NUDT9: variants seen among roughly 807,000 people sequenced by gnomAD.
NUDT9 encodes nudix hydrolase 9.
Under a neutral mutation model 41.0 loss-of-function variants are expected in NUDT9, and 31 were observed. The ratio of observed to expected loss-of-function variants is 0.76; its 90% CI spans 0.57 to 1.02. The LOEUF (loss-of-function observed/expected upper bound fraction) is 1.02. Ranked by LOEUF, NUDT9 falls within the 50% of genes least tolerant of loss-of-function variation. The pLI, the probability that NUDT9 is intolerant of heterozygous loss-of-function variation, is 0.00. For synonymous variants in NUDT9, 146 were observed against 147.6 expected (o/e 0.99, Z 0.08); for missense variants, 380 against 431.4 (o/e 0.88, Z 1.06).
At chr4:87,456,486 A>G (rs990100117) in intron 7 of NUDT9, among the ~76,000 whole-genome samples, 2 of 152,096 alleles carry the variant, frequency 1.3e-5, no homozygotes, top group East Asian at 3.9e-4. Flanking sequence ...TCCCCTCTCC[A>G]TGTTAGAAAG....
At chr4:87,440,261 T>C (rs981311329) in intron 3 of NUDT9, among the ~76,000 whole-genome samples, 1 of 152,250 alleles carries the variant, frequency 6.6e-6, no homozygotes, top group Non-Finnish European at 1.5e-5. Context: ...GGCTATGCTA[T>C]AGGAATGTCT....
At chr4:87,455,405 T>G (rs1446292843) in intron 7 of NUDT9, among the ~76,000 whole-genome samples, 1 of 152,234 alleles carries the variant, frequency 6.6e-6, no homozygotes, top group Non-Finnish European at 1.5e-5. Flanking sequence ...ACAACTTTAG[T>G]ACTGATAAAT....
intron 5 of NUDT9, among the ~76,000 whole-genome samples, chr4:87,451,339 C>T (rs971932357): frequency 4.6e-5 from 7 of 152,120 alleles, no homozygotes; most frequent in Non-Finnish European, 8.8e-5. Flanking sequence ...TCGAGTTTGG[C>T]AAGTACCAGG....
intron 2 of NUDT9, among the ~76,000 whole-genome samples, chr4:87,436,390 A>T (rs1333928782): frequency 2.6e-5 from 4 of 152,286 alleles, no homozygotes; most frequent in African/African-American, 9.6e-5. Flanking sequence ...AGCTCACTGC[A>T]GCCTTGATCT....
At chr4:87,425,391 C>CTTTTTT (rs70957241) in intron 1 of NUDT9, among the ~76,000 whole-genome samples, 2 of 116,722 alleles carry the variant, frequency 1.7e-5, no homozygotes. Flanking sequence ...TGTTCTTTTC[C>CTTTTTT]TTTTTTTTTT....
chr4:87,452,591 C>T (rs1722797054), intron 6 of NUDT9, among the ~76,000 whole-genome samples: 1 of 151,704 alleles, frequency 6.6e-6, no homozygotes. Flanking sequence ...GCTGGGACCA[C>T]AGGCAAACAC....
intron 3 of NUDT9, among the ~76,000 whole-genome samples, chr4:87,441,549 G>A (rs183275872): frequency 6.6e-6 from 1 of 152,306 alleles, no homozygotes; most frequent in Admixed American, 6.5e-5. Flanking sequence ...GAATTTAGGA[G>A]TATAGGTGAA....
Position 87,429,078 on chromosome 4 carries a change from T to C in NUDT9, c.108-5903T>C, listed in dbSNP as rs1721561517. On this transcript the variant is annotated intron_variant, in intron 1 of 7. Coordinates refer to ENST00000302174, the MANE Select transcript of NUDT9 (RefSeq NM_024047.5). ...ATGGTAGGTACATGTTTACACTATA[T>C]ACACCGAAGAGGGACCAGGAGGAAG... 3.3e-5 allele frequency among the ~76,000 whole-genome samples: 5 copies of C among 152,332 alleles called. No individual in the cohort carries two copies. In the South Asian group the frequency reaches 1.0e-3, roughly 32 times the overall value.
At chr4:87,456,431 C>A (rs532089094) in intron 7 of NUDT9, among the ~76,000 whole-genome samples, 1 of 152,200 alleles carries the variant, frequency 6.6e-6, no homozygotes, top group African/African-American at 2.4e-5. Flanking sequence ...AAATAGTTTT[C>A]CTTGAGGGCA....
chr4:87,454,260 ATGT>A, intron 6 of NUDT9, 108 bp from the exon 7 acceptor site: 1 of 650,352 alleles, frequency 1.5e-6, no homozygotes, highest in Non-Finnish European at 2.8e-6. Context: ...AAGTATGTTC[ATGT>A]TGTTGGGCAA....
At chr4:87,436,232 C>T (rs1037688996) in intron 2 of NUDT9, among the ~76,000 whole-genome samples, 1 of 152,316 alleles carries the variant, frequency 6.6e-6, no homozygotes, top group Middle Eastern at 3.4e-3. Flanking sequence ...GTATTATTAA[C>T]TGTAGTCACC....
rs555032063 is a variant in NUDT9 at position 87,447,003 on chromosome 4, G to A, written c.531-2139G>A. Among the ~76,000 whole-genome samples, 11 of 152,132 alleles carry A rather than the reference G, an allele frequency of 7.2e-5. 1 individual carries two copies. The South Asian group carries it at 2.3e-3, about 32-fold the overall frequency. On this transcript the variant is annotated intron_variant, in intron 4 of 7. Coordinates refer to ENST00000302174, the MANE Select transcript of NUDT9 (RefSeq NM_024047.5). Reference sequence around the variant, plus strand: ...AGTGAGCTTTCTAAAATACAAACTGGTTATGGTTTTACCCTGCTTAAAAAC... The same window carrying A: ...AGTGAGCTTTCTAAAATACAAACTGATTATGGTTTTACCCTGCTTAAAAAC...
intron 1 of NUDT9, chr4:87,434,219 C>CT (rs1181841384): frequency 6.6e-6 from 1 of 151,744 alleles, no homozygotes; most frequent in African/African-American, 2.4e-5. Context: ...ATTTTTGTAT[C>CT]TTTTAGTAGA....
chr4:87,430,261 T>C (rs1721624698), intron 1 of NUDT9, among the ~76,000 whole-genome samples: 1 of 152,202 alleles, frequency 6.6e-6, no homozygotes. Context: ...CTCTTGAGCC[T>C]CCAGAGAGGA....
At chr4:87,444,883 CT>C (rs991023208) in intron 4 of NUDT9, among the ~76,000 whole-genome samples, 1 of 152,066 alleles carries the variant, frequency 6.6e-6, no homozygotes, top group African/African-American at 2.4e-5. Flanking sequence ...CAACTGTACT[CT>C]TAAGTTGATG....
intron 3 of NUDT9, among the ~76,000 whole-genome samples, chr4:87,439,615 C>T (rs1268651417): frequency 4.6e-5 from 7 of 152,074 alleles, no homozygotes; most frequent in Non-Finnish European, 7.4e-5. Flanking sequence ...AGGATTGTGC[C>T]GCTGCACTCC....
intron 6 of NUDT9, among the ~76,000 whole-genome samples, chr4:87,454,110 G>C (rs558919272): frequency 4.6e-5 from 7 of 151,472 alleles, no homozygotes; most frequent in African/African-American, 1.7e-4. Context: ...TGATCCACCC[G>C]CCTCAGCCTC....
chr4:87,459,084 A>G lies in NUDT9; in HGVS notation c.*1063A>G, dbSNP rs1723106029. 1 of 152,252 alleles carries G rather than the reference A, an allele frequency of 6.6e-6. No homozygotes were observed. Among genetic ancestry groups the G allele is most frequent in the Non-Finnish European group, 1.5e-5 (1 of 68,054 alleles). The allele number at this position is 152,252 out of a possible 1,614,324, so 9.4% of individuals were successfully genotyped here. A position where few individuals can be genotyped will look rare whatever the true frequency, so the allele number is the denominator to read the frequency against. ...AGACTGGATAAAGACAATGTGGTAT[A>G]TGTACACCATGGAATACTATGCAGC... On this transcript the variant is annotated 3_prime_UTR_variant, in exon 8 of 8. Transcript: ENST00000302174.
chr4:87,456,243 C>A (rs1722986576), intron 7 of NUDT9, among the ~76,000 whole-genome samples: 1 of 152,124 alleles, frequency 6.6e-6, no homozygotes, highest in Non-Finnish European at 1.5e-5. Flanking sequence ...GAAGGGGAAT[C>A]ATAGGAGAAT....
Sources: allele counts gnomAD v4.1 joint callset (sites outside exome capture counted in the v4.1 genomes callset), GRCh38; gene constraint gnomAD v4.1.1; transcripts MANE v1.5; gene names NCBI Gene and HGNC (gene_info 2026-07-23, HGNC 2026-07-21).